Variants in PAK5 observed in about 807,000 individuals in gnomAD.
PAK5 encodes the protein serine/threonine-protein kinase PAK 5.
A neutral mutation model predicts 65.9 loss-of-function variants in PAK5; 16 were observed. The ratio of observed to expected loss-of-function variants is 0.24; its 90% CI spans 0.16 to 0.37. PAK5 has a LOEUF of 0.37. Ranked by LOEUF, PAK5 falls within the 10% of genes least tolerant of loss-of-function variation. PAK5 has a pLI of 1.00. For synonymous variants in PAK5, 371 were observed against 354.9 expected, an observed-to-expected ratio of 1.05 and a Z score of -0.51; for missense variants, 785 against 903.9, an observed-to-expected ratio of 0.87 and a Z score of 1.69.
At chr20:9,795,729 A>G (rs2049097320) in intron 1 of PAK5, among the ~76,000 whole-genome samples, 1 of 152,108 alleles carries the variant, frequency 6.6e-6, no homozygotes, top group Admixed American at 6.6e-5. Flanking sequence ...ATAGTTCAGA[A>G]AGAGTAAAAT....
intron 3 of PAK5, among the ~76,000 whole-genome samples, chr20:9,583,873 C>T (rs1197426342): frequency 6.6e-6 from 1 of 152,222 alleles, no homozygotes; most frequent in Non-Finnish European, 1.5e-5. Flanking sequence ...TGGAATCATA[C>T]AGTCTGGAGC....
intron 2 of PAK5, among the ~76,000 whole-genome samples, chr20:9,679,392 G>C (rs971168897): frequency 1.3e-5 from 2 of 152,222 alleles, no homozygotes; most frequent in South Asian, 4.1e-4. Context: ...TTGTTCAAGG[G>C]TCCACTGTCT....
At chr20:9,546,066 G>A (rs1306140387) in intron 7 of PAK5, among the ~76,000 whole-genome samples, 1 of 152,156 alleles carries the variant, frequency 6.6e-6, no homozygotes, top group Non-Finnish European at 1.5e-5. Context: ...AAGAACAAGT[G>A]CATTAATATA....
intron 3 of PAK5, among the ~76,000 whole-genome samples, chr20:9,615,668 C>T (rs1569000509): frequency 6.6e-6 from 1 of 152,178 alleles, no homozygotes; most frequent in Non-Finnish European, 1.5e-5. Context: ...TAATAAATCA[C>T]CCCCAAACAA....
At chr20:9,685,139 C>CA (rs1263742604) in intron 2 of PAK5, among the ~76,000 whole-genome samples, 3 of 152,204 alleles carry the variant, frequency 2.0e-5, no homozygotes, top group African/African-American at 7.2e-5. Flanking sequence ...CACATGTTCT[C>CA]TAGCACACTG....
intron 1 of PAK5, among the ~76,000 whole-genome samples, chr20:9,747,800 A>T (rs112951161): frequency 6.7e-6 from 1 of 149,922 alleles, no homozygotes; most frequent in Non-Finnish European, 1.5e-5. Context: ...CTCTCTCACC[A>T]CTCCTATTCA....
chr20:9,626,787 T>A (rs73247463), intron 3 of PAK5, among the ~76,000 whole-genome samples: 3,035 of 152,218 alleles, frequency 0.02, 93 homozygotes, highest in African/African-American at 0.068. Flanking sequence ...TTATTTATTT[T>A]TTTTTCTAGG....
chr20:9,837,923 G>T (rs1979278151), intron 1 of PAK5, among the ~76,000 whole-genome samples: 1 of 152,048 alleles, frequency 6.6e-6, no homozygotes, highest in South Asian at 2.1e-4. Flanking sequence ...TCCCTTAATT[G>T]ATATCTAATG....
intron 3 of PAK5, among the ~76,000 whole-genome samples, chr20:9,640,980 C>T (rs1020817541): frequency 6.6e-6 from 1 of 152,178 alleles, no homozygotes; most frequent in South Asian, 2.1e-4. Flanking sequence ...AGTGGGCTGC[C>T]AATGCTGGCT....
intron 2 of PAK5, among the ~76,000 whole-genome samples, chr20:9,702,652 G>A (rs1569048542): frequency 6.6e-6 from 1 of 152,096 alleles, no homozygotes; most frequent in Non-Finnish European, 1.5e-5. Flanking sequence ...CCCTTCAGTT[G>A]TTCTCCCCTG....
At chr20:9,567,526 C>T (rs1335175827) in intron 4 of PAK5, among the ~76,000 whole-genome samples, 2 of 152,346 alleles carry the variant, frequency 1.3e-5, no homozygotes, top group East Asian at 1.9e-4. Context: ...CCACATCACA[C>T]AGTACACATA....
chr20:9,762,522 G>A (rs749084680), intron 1 of PAK5, among the ~76,000 whole-genome samples: 3 of 152,012 alleles, frequency 2.0e-5, no homozygotes, highest in Non-Finnish European at 4.4e-5. Context: ...AAAGGCACCT[G>A]ACATCTCTAA....
At chr20:9,549,206 G>A (rs573886129) in intron 7 of PAK5, among the ~76,000 whole-genome samples, 11 of 152,128 alleles carry the variant, frequency 7.2e-5, no homozygotes, top group African/African-American at 1.9e-4. Context: ...GTCAGGTCCC[G>A]GCCTCCTTAT....
At chr20:9,800,132 C>T (rs1199530100) in intron 1 of PAK5, among the ~76,000 whole-genome samples, 1 of 151,926 alleles carries the variant, frequency 6.6e-6, no homozygotes, top group Non-Finnish European at 1.5e-5. Flanking sequence ...TTCGCTAATC[C>T]TTTAGGCTTC....
chr20:9,665,959 T>G (rs2047411556), intron 2 of PAK5, among the ~76,000 whole-genome samples: 1 of 152,146 alleles, frequency 6.6e-6, no homozygotes, highest in Non-Finnish European at 1.5e-5. Context: ...GTGGACTCCA[T>G]GGCCCAGGCT....
At chr20:9,797,416 T>A (rs2123728408) in intron 1 of PAK5, among the ~76,000 whole-genome samples, 1 of 149,296 alleles carries the variant, frequency 6.7e-6, no homozygotes, top group Middle Eastern at 3.5e-3. Context: ...AAACACCACA[T>A]GTCCTCATTC....
At chr20:9,621,139 T>C (rs966804700) in intron 3 of PAK5, among the ~76,000 whole-genome samples, 8 of 151,888 alleles carry the variant, frequency 5.3e-5, no homozygotes, top group African/African-American at 1.2e-4. Flanking sequence ...ATTCAAAGCA[T>C]TGATTGAAGG....
intron 3 of PAK5, among the ~76,000 whole-genome samples, chr20:9,643,454 T>C (rs1041825586): frequency 4.6e-5 from 7 of 152,218 alleles, no homozygotes; most frequent in African/African-American, 1.7e-4. Flanking sequence ...TTGCCAAACA[T>C]TTCCTAGTTA....
intron 2 of PAK5, among the ~76,000 whole-genome samples, chr20:9,707,956 T>C (rs2048029257): frequency 6.6e-6 from 1 of 152,198 alleles, no homozygotes; most frequent in African/African-American, 2.4e-5. Flanking sequence ...ATTAAGTCAC[T>C]GAGTTATGGG....
Sources: gnomAD v4.1 joint callset for allele counts (sites outside exome capture counted in the v4.1 genomes callset) on GRCh38, gnomAD v4.1.1 for gene constraint, MANE v1.5 for transcripts, NCBI Gene and HGNC (gene_info 2026-07-23, HGNC 2026-07-21) for gene names.